CSMD1: variants seen among roughly 807,000 people sequenced by gnomAD.
The protein encoded by CSMD1 is CUB and sushi domain-containing protein 1.
Under a neutral mutation model 417.5 loss-of-function variants are expected in CSMD1, and 213 were observed. The ratio of observed to expected loss-of-function variants is 0.51; its 90% CI spans 0.46 to 0.57. The LOEUF is 0.57. Among genes scored for constraint, CSMD1 ranks in the 20% least tolerant of loss-of-function variants. CSMD1 has a pLI of 0.00. For missense variants in CSMD1, 6,923 were observed against 4,529.7 expected (o/e 1.53, Z -15.17); for synonymous variants, 2,862 against 1,736.8 (o/e 1.65, Z -16.11).
At chr8:3,357,266 T>G (rs1208463023) in intron 21 of CSMD1, among the ~76,000 whole-genome samples, 1 of 152,174 alleles carries the variant, frequency 6.6e-6, no homozygotes, top group East Asian at 1.9e-4. Flanking sequence ...GTGCGGTGGT[T>G]AAAGGCTGAG....
At position 4,752,908 on chromosome 8, in the gene CSMD1, C is replaced by T. The variant is rs934995050; in HGVS notation, c.86-115350G>A. The stretch of plus-strand genomic sequence containing the variant: ...AAAGATCCTGCACCACACTTTCCAG[C>T]GCTATTACAGGGCTTCCCAGTGGCG... On this transcript the variant is annotated intron_variant, in intron 1 of 69. Coordinates refer to ENST00000635120, the MANE Select transcript of CSMD1 (RefSeq NM_033225.6). Among the ~76,000 whole-genome samples the T allele has an allele frequency of 5.3e-5, 8 of 152,252 alleles. No individual in the cohort carries two copies. The East Asian group carries it at 7.7e-4, about 15-fold the overall frequency.
chr8:4,064,955 T>A (rs1190066133), intron 3 of CSMD1, among the ~76,000 whole-genome samples: 1 of 152,116 alleles, frequency 6.6e-6, no homozygotes, highest in Non-Finnish European at 1.5e-5. Context: ...ACCTCTAGAT[T>A]TAACGCTGTG....
At chr8:4,590,336 A>G (rs964451124) in intron 2 of CSMD1, among the ~76,000 whole-genome samples, 3 of 152,192 alleles carry the variant, frequency 2.0e-5, no homozygotes, top group African/African-American at 7.2e-5. Context: ...CAAAAGTCAC[A>G]TCCAGAATAC....
intron 26 of CSMD1, among the ~76,000 whole-genome samples, chr8:3,236,927 C>A (rs1220621245): frequency 6.6e-6 from 1 of 152,078 alleles, no homozygotes; most frequent in African/African-American, 2.4e-5. Context: ...AATCTCAAGT[C>A]ACAGAGGCAC....
At chr8:4,710,282 T>G (rs1265897032) in intron 1 of CSMD1, among the ~76,000 whole-genome samples, 1 of 151,670 alleles carries the variant, frequency 6.6e-6, no homozygotes, top group African/African-American at 2.4e-5. Context: ...ATTTGCATGT[T>G]AAATATATAA....
At chr8:3,273,636 C>G (rs1348236097) in intron 26 of CSMD1, among the ~76,000 whole-genome samples, 1 of 152,158 alleles carries the variant, frequency 6.6e-6, no homozygotes, top group African/African-American at 2.4e-5. Flanking sequence ...TTCAGAGATT[C>G]AACTTCTTCC....
intron 1 of CSMD1, among the ~76,000 whole-genome samples, chr8:4,876,070 G>A (rs894261884): frequency 6.6e-6 from 1 of 152,064 alleles, no homozygotes; most frequent in Non-Finnish European, 1.5e-5. Context: ...AAAACTAGCA[G>A]ATAGCCTAAT....
intron 2 of CSMD1, among the ~76,000 whole-genome samples, chr8:4,443,405 A>T (rs558227479): frequency 6.6e-6 from 1 of 152,336 alleles, no homozygotes; most frequent in South Asian, 2.1e-4. Flanking sequence ...CAGTTCCAAG[A>T]AAATTGCAAC....
At chr8:4,451,863 C>G (rs1460331264) in intron 2 of CSMD1, among the ~76,000 whole-genome samples, 1 of 151,694 alleles carries the variant, frequency 6.6e-6, no homozygotes, top group Non-Finnish European at 1.5e-5. Flanking sequence ...TATGCTTTCC[C>G]TTTCAAACCT....
chr8:4,638,767 C>A (rs967279342), intron 1 of CSMD1, among the ~76,000 whole-genome samples: 1 of 152,154 alleles, frequency 6.6e-6, no homozygotes, highest in Non-Finnish European at 1.5e-5. Flanking sequence ...TTAGGATTGA[C>A]ATGACAATGG....
At chr8:3,586,434 G>A (rs764265609) in intron 8 of CSMD1, among the ~76,000 whole-genome samples, 174 bp from the exon 9 acceptor site, 1 of 152,250 alleles carries the variant, frequency 6.6e-6, no homozygotes, top group Non-Finnish European at 1.5e-5. Context: ...TTTAGCAAAG[G>A]TTATAAAATC....
rs1368099028 is a variant in CSMD1, at chr8:3,090,314, T to C, written c.7285+1202A>G. ...CCTGGGCAACAGAGCCAGACTGTATTTCAAAAAAAAAAAAAAAAAAAAAAA... is the reference window on the plus strand; with the variant it reads ...CCTGGGCAACAGAGCCAGACTGTATCTCAAAAAAAAAAAAAAAAAAAAAAA... On this transcript the variant is annotated intron_variant, in intron 48 of 69. Transcript: ENST00000635120. Among the ~76,000 whole-genome samples the C allele has an allele frequency of 8.9e-5, 4 of 45,114 alleles. No individual in the cohort carries two copies. The East Asian group carries it at 2.5e-3, about 28-fold the overall frequency. 29.6% of individuals were successfully genotyped at this position (45,114 alleles called of 152,430 possible).
intron 3 of CSMD1, among the ~76,000 whole-genome samples, chr8:4,158,057 C>A (rs780014312): frequency 6.6e-6 from 1 of 151,640 alleles, no homozygotes; most frequent in Non-Finnish European, 1.5e-5. Context: ...GCTACCCCTA[C>A]CCCTGCTTCC....
At chr8:3,859,696 A>G (rs1462599351) in intron 5 of CSMD1, among the ~76,000 whole-genome samples, 1 of 152,160 alleles carries the variant, frequency 6.6e-6, no homozygotes, top group Admixed American at 6.5e-5. Context: ...TCGTGCCTAC[A>G]TAGTGAAGCC....
In CSMD1 at chr8:4,049,904, G is replaced by C. The variant is rs114522667; in HGVS notation, c.416-17805C>G. ...AGCTTTTAAGTAACGTTCGCTTTCT[G>C]TTTCAGGAATCCATTCGGATACCAC... On this transcript the variant is annotated intron_variant, in intron 3 of 69. Coordinates refer to ENST00000635120, the MANE Select transcript of CSMD1 (RefSeq NM_033225.6). 8.3e-3 allele frequency among the ~76,000 whole-genome samples: 397 copies of C among 48,068 alleles called. 2 individuals are homozygous for C. Among genetic ancestry groups the C allele is most frequent in the African/African-American group, 0.04 (380 of 9,516 alleles). The allele number at this position is 48,068 out of a possible 152,430, so 31.5% of individuals were successfully genotyped here. A position where few individuals can be genotyped will look rare whatever the true frequency, so the allele number is the denominator to read the frequency against.
At position 3,802,624 on chromosome 8, in the gene CSMD1, G is replaced by A. The variant is rs187603940; in HGVS notation, c.819-48582C>T. Reference sequence around the variant, plus strand: ...TCACCAACTGTTTATATAATTTTAAGCCTTTAGTAATAAAGCAATCATGAG... The same window carrying A: ...TCACCAACTGTTTATATAATTTTAAACCTTTAGTAATAAAGCAATCATGAG... On this transcript the variant is annotated intron_variant, in intron 5 of 69. Coordinates refer to ENST00000635120, the MANE Select transcript of CSMD1 (RefSeq NM_033225.6). Among the ~76,000 whole-genome samples, 124 of 152,202 alleles carry A rather than the reference G, an allele frequency of 8.1e-4. 1 individual carries two copies. The highest frequency in any genetic ancestry group is 2.7e-3 in the African/African-American group (111 of 41,524).
At chr8:4,826,684 C>G (rs1183946839) in intron 1 of CSMD1, among the ~76,000 whole-genome samples, 1 of 152,094 alleles carries the variant, frequency 6.6e-6, no homozygotes, top group African/African-American at 2.4e-5. Context: ...CCCACTCATT[C>G]TAAGCTCCTT....
chr8:3,003,377 C>G (rs1456714254), intron 52 of CSMD1, among the ~76,000 whole-genome samples: 1 of 152,082 alleles, frequency 6.6e-6, no homozygotes, highest in Non-Finnish European at 1.5e-5. Context: ...GTCATCTACA[C>G]AAAACCTAGA....
At chr8:4,954,513 C>T (rs1808960754) in intron 1 of CSMD1, among the ~76,000 whole-genome samples, 1 of 152,084 alleles carries the variant, frequency 6.6e-6, no homozygotes, top group Admixed American at 6.6e-5. Flanking sequence ...ATGCATTCCA[C>T]CTCAATTCAT....
Sources: gnomAD v4.1 joint callset for allele counts (sites outside exome capture counted in the v4.1 genomes callset) on GRCh38, gnomAD v4.1.1 for gene constraint, MANE v1.5 for transcripts, NCBI Gene and HGNC (gene_info 2026-07-23, HGNC 2026-07-21) for gene names.